The following TRAPPC9 variants were observed in gnomAD, a reference collection of about 807,000 sequenced individuals.
TRAPPC9 encodes the protein IKK2 binding protein.
A neutral mutation model predicts 124.0 loss-of-function variants in TRAPPC9; 83 were observed. That is an observed-to-expected ratio of 0.67 (90% CI 0.56 to 0.80). TRAPPC9 has a LOEUF of 0.80. TRAPPC9 is among the 30% of genes least tolerant of loss of function. The pLI is 0.00. For synonymous variants in TRAPPC9, 638 were observed against 617.5 expected (o/e 1.03, Z -0.49); for missense variants, 1,302 against 1,508.3 (o/e 0.86, Z 2.27).
intron 2 of TRAPPC9, among the ~76,000 whole-genome samples, chr8:140,446,758 T>C (rs1016785675): frequency 5.9e-5 from 9 of 152,000 alleles, no homozygotes; most frequent in Non-Finnish European, 1.2e-4. Context: ...TTTCACCATG[T>C]TGACCTCAGG....
At position 139,730,906 on chromosome 8, in the gene TRAPPC9, A is replaced by G. The variant is rs1431986397; in HGVS notation, c.*155T>C. 7 of 821,354 alleles carry G rather than the reference A, an allele frequency of 8.5e-6. No individual in the cohort carries two copies. The highest frequency in any genetic ancestry group is 1.3e-5 in the Non-Finnish European group (7 of 530,470). 50.9% of individuals were successfully genotyped at this position (821,354 alleles called of 1,614,324 possible). On this transcript the variant is annotated 3_prime_UTR_variant, in exon 23 of 23. Transcript: ENST00000438773. ...GGGGCTTCTGCGTAGCCCAGCAAAGATGCTACAGGAGGAACAGGAGGAGAG... is the reference window on the plus strand; with the variant it reads ...GGGGCTTCTGCGTAGCCCAGCAAAGGTGCTACAGGAGGAACAGGAGGAGAG...
chr8:140,452,482 G>C (rs1050955860), intron 1 of TRAPPC9, among the ~76,000 whole-genome samples: 2 of 150,514 alleles, frequency 1.3e-5, no homozygotes, highest in Non-Finnish European at 3.0e-5. Context: ...ACTGTATCTA[G>C]ATTGAGGAGG....
At chr8:139,760,702 C>A (rs1482930940) in intron 21 of TRAPPC9, among the ~76,000 whole-genome samples, 2 of 152,178 alleles carry the variant, frequency 1.3e-5, no homozygotes, top group Non-Finnish European at 2.9e-5. Flanking sequence ...AAGTGTAAGG[C>A]AAGGAGGAGC....
chr8:140,106,143 AG>A (rs957982561), intron 17 of TRAPPC9, among the ~76,000 whole-genome samples: 3 of 152,204 alleles, frequency 2.0e-5, no homozygotes, highest in African/African-American at 7.2e-5. Flanking sequence ...AACAAAGGCA[AG>A]GTCAGTGTTG....
At chr8:140,054,031 T>C (rs570264787) in intron 17 of TRAPPC9, among the ~76,000 whole-genome samples, 112 of 152,304 alleles carry the variant, frequency 7.4e-4, no homozygotes, top group South Asian at 2.7e-3. Context: ...ACAACATGGA[T>C]GTAGCTGGAG....
intron 18 of TRAPPC9, among the ~76,000 whole-genome samples, chr8:140,012,046 A>G (rs1839172036): frequency 1.3e-5 from 2 of 152,204 alleles, no homozygotes; most frequent in Admixed American, 1.3e-4. Flanking sequence ...TCTTGACCTC[A>G]TGATCTGCCC....
intron 9 of TRAPPC9, among the ~76,000 whole-genome samples, chr8:140,344,658 T>C (rs189719546): frequency 1.4e-4 from 21 of 152,222 alleles, no homozygotes; most frequent in African/African-American, 5.1e-4. Context: ...AAGTGCAAGG[T>C]CCCGGACAAG....
At chr8:140,356,217 C>A (rs1228374562) in intron 9 of TRAPPC9, among the ~76,000 whole-genome samples, 1 of 152,176 alleles carries the variant, frequency 6.6e-6, no homozygotes, top group South Asian at 2.1e-4. Context: ...AGCAACAGAG[C>A]AATTAACAGA....
chr8:140,326,222 TAAAAAAAAA>T (rs748923859), intron 9 of TRAPPC9, among the ~76,000 whole-genome samples: 1 of 109,446 alleles, frequency 9.1e-6, no homozygotes, highest in African/African-American at 3.3e-5. Context: ...CCGTCTCTAC[TAAAAAAAAA>T]AAAAAAAAGA....
At chr8:140,318,754 A>G (rs184704830) in intron 9 of TRAPPC9, among the ~76,000 whole-genome samples, 1 of 152,356 alleles carries the variant, frequency 6.6e-6, no homozygotes, top group African/African-American at 2.4e-5. Context: ...TACATACCAC[A>G]TTTTCTTTAT....
At chr8:140,193,663 T>C (rs2131098572) in intron 17 of TRAPPC9, among the ~76,000 whole-genome samples, 1 of 147,146 alleles carries the variant, frequency 6.8e-6, no homozygotes, top group African/African-American at 2.5e-5. Context: ...TTGGTAATTG[T>C]GCCTACTGCT....
intron 11 of TRAPPC9, among the ~76,000 whole-genome samples, chr8:140,297,174 AC>A (rs2065827919): frequency 2.5e-5 from 2 of 80,504 alleles, no homozygotes; most frequent in Admixed American, 2.3e-4. Flanking sequence ...CTGTTCATCC[AC>A]CACGTCTACC....
rs182731220 is a variant in TRAPPC9, at chr8:139,781,891, G to C, written c.3056-49689C>G. 2.0e-5 allele frequency among the ~76,000 whole-genome samples: 3 copies of C among 152,136 alleles called. No individual in the cohort carries two copies. In the East Asian group the frequency reaches 5.8e-4, roughly 29 times the overall value. On this transcript the variant is annotated intron_variant, in intron 21 of 22. Transcript: ENST00000438773. ...CAGGAAAAGAGAAAAATAGAACAAA[G>C]AACAGTTGGGGAAGGCAGAAAACAA...
At chr8:140,026,542 G>T (rs897397367) in intron 17 of TRAPPC9, among the ~76,000 whole-genome samples, 8 of 152,164 alleles carry the variant, frequency 5.3e-5, no homozygotes, top group African/African-American at 1.7e-4. Context: ...GGGACACAAA[G>T]GAATATCTCA....
intron 21 of TRAPPC9, among the ~76,000 whole-genome samples, chr8:139,818,979 G>A (rs1229487616): frequency 6.6e-6 from 1 of 152,206 alleles, no homozygotes; most frequent in African/African-American, 2.4e-5. Flanking sequence ...CCAACCCCCT[G>A]GCCACAGACT....
chr8:140,210,615 T>C (rs1027580701), intron 17 of TRAPPC9, among the ~76,000 whole-genome samples: 1 of 151,976 alleles, frequency 6.6e-6, no homozygotes, highest in African/African-American at 2.4e-5. Context: ...CGCACCCCCT[T>C]TCCCACCCAG....
intron 9 of TRAPPC9, among the ~76,000 whole-genome samples, chr8:140,325,413 A>C (rs1317869654): frequency 6.6e-6 from 1 of 152,254 alleles, no homozygotes; most frequent in African/African-American, 2.4e-5. Flanking sequence ...AACCCCTAGA[A>C]GAGAAACACA....
intron 21 of TRAPPC9, among the ~76,000 whole-genome samples, chr8:139,828,483 T>C (rs1266962488): frequency 6.6e-6 from 1 of 152,178 alleles, no homozygotes; most frequent in African/African-American, 2.4e-5. Context: ...ACCGCTCACA[T>C]TTTCTACCAA....
intron 21 of TRAPPC9, among the ~76,000 whole-genome samples, chr8:139,752,073 TCCA>T (rs1277963739): frequency 6.7e-6 from 1 of 150,224 alleles, no homozygotes; most frequent in Non-Finnish European, 1.5e-5. Context: ...CATCCATCCA[TCCA>T]CCATTCATCC....
Sources: allele counts gnomAD v4.1 joint callset (sites outside exome capture counted in the v4.1 genomes callset), GRCh38; gene constraint gnomAD v4.1.1; transcripts MANE v1.5; gene names NCBI Gene and HGNC (gene_info 2026-07-23, HGNC 2026-07-21).